SNX29: variants seen among roughly 807,000 people sequenced by gnomAD.
The protein encoded by SNX29 is sorting nexin 29.
SNX29 carries 78 observed loss-of-function variants against 102.1 expected under a neutral mutation model. That is an observed-to-expected ratio of 0.76 (90% confidence interval 0.64 to 0.92). SNX29 has a LOEUF of 0.92. Among genes scored for constraint, SNX29 ranks in the 40% least tolerant of loss-of-function variants. The pLI, the probability that SNX29 is intolerant of heterozygous loss-of-function variation, is 0.00. For missense variants in SNX29, 1,280 were observed against 1,061.7 expected (o/e 1.21, Z -2.86); for synonymous variants, 580 against 414.5 (o/e 1.40, Z -4.85).
chr16:12,314,358 T>A (rs1397936554), intron 15 of SNX29, among the ~76,000 whole-genome samples: 1 of 152,226 alleles, frequency 6.6e-6, no homozygotes, highest in African/African-American at 2.4e-5. Context: ...ATGCACATAG[T>A]TTATACCTGA....
intron 15 of SNX29, among the ~76,000 whole-genome samples, chr16:12,302,808 G>C (rs923922766): frequency 1.3e-5 from 2 of 152,198 alleles, no homozygotes; most frequent in Non-Finnish European, 2.9e-5. Flanking sequence ...CACACTGTTA[G>C]GGTGAATGCA....
chr16:12,043,113 G>C (rs1296356352), intron 5 of SNX29, 36 bp downstream of exon 5: 1 of 1,608,086 alleles, frequency 6.2e-7, no homozygotes, highest in Non-Finnish European at 8.5e-7. Flanking sequence ...ATGGGATGGA[G>C]CAAGAGGTGA....
chr16:12,048,673 ATGGGG>A, intron 7 of SNX29, 53 bp downstream of exon 7: 3 of 1,613,740 alleles, frequency 1.9e-6, no homozygotes, highest in Non-Finnish European at 1.7e-6. Context: ...AATGTGGCGG[ATGGGG>A]TGGACATATC....
intron 20 of SNX29, among the ~76,000 whole-genome samples, chr16:12,549,488 CACACAT>C (rs66691443): frequency 0.31 from 47,319 of 151,738 alleles, 8,972 homozygotes; most frequent in East Asian, 0.73. Flanking sequence ...GGAAGATCCT[CACACAT>C]ACAAAGATGT....
chr16:12,249,115 T>C (rs830733), intron 14 of SNX29, among the ~76,000 whole-genome samples: 117,748 of 152,148 alleles, frequency 0.77, 46,590 homozygotes, highest in African/African-American at 0.94. Context: ...TTGGGTGAGT[T>C]AGGGGTTCAG....
At chr16:12,543,915 G>C (rs539332987) in intron 20 of SNX29, among the ~76,000 whole-genome samples, 1 of 152,200 alleles carries the variant, frequency 6.6e-6, no homozygotes, top group Non-Finnish European at 1.5e-5. Flanking sequence ...GATTGCCGAA[G>C]GTGGAATCCG....
At chr16:12,004,872 C>T (rs1174701815) in intron 3 of SNX29, among the ~76,000 whole-genome samples, 9 of 152,218 alleles carry the variant, frequency 5.9e-5, no homozygotes, top group African/African-American at 1.9e-4. Flanking sequence ...TATATACATT[C>T]GGCTTTTTAA....
At chr16:11,981,786 A>G (rs139868538) in intron 1 of SNX29, among the ~76,000 whole-genome samples, 20 of 152,316 alleles carry the variant, frequency 1.3e-4, no homozygotes, top group Non-Finnish European at 2.8e-4. Flanking sequence ...GATGACCATT[A>G]ATTGGGGAGT....
chr16:12,097,764 G>A (rs1037134704), intron 11 of SNX29, among the ~76,000 whole-genome samples: 5 of 152,172 alleles, frequency 3.3e-5, no homozygotes, highest in African/African-American at 7.2e-5. Context: ...GCAATTCAGA[G>A]CCAATCCAAA....
At chr16:12,199,549 C>A in intron 13 of SNX29, 52 bp from the exon 14 acceptor site, 1 of 1,519,452 alleles carries the variant, frequency 6.6e-7, no homozygotes. Flanking sequence ...TCCTGTGGGT[C>A]CACATTGTCA....
intron 13 of SNX29, 124 bp downstream of exon 13, chr16:12,129,882 A>G: frequency 8.4e-7 from 1 of 1,194,112 alleles, no homozygotes; most frequent in Non-Finnish European, 1.1e-6. Flanking sequence ...AGGCGGGTGG[A>G]TCATAAGGTC....
At chr16:12,023,421 A>T (rs1567537372) in intron 3 of SNX29, among the ~76,000 whole-genome samples, 1 of 150,662 alleles carries the variant, frequency 6.6e-6, no homozygotes, top group East Asian at 1.9e-4. Context: ...AAAAAAAAAA[A>T]AAAAAAAGTA....
intron 16 of SNX29, among the ~76,000 whole-genome samples, chr16:12,386,127 G>A (rs1567509905): frequency 6.6e-6 from 1 of 152,172 alleles, no homozygotes; most frequent in Non-Finnish European, 1.5e-5. Flanking sequence ...CTCACCCTCA[G>A]GCTCTCTGAG....
intron 11 of SNX29, among the ~76,000 whole-genome samples, chr16:12,107,122 A>G (rs1480864673): frequency 1.3e-5 from 2 of 152,166 alleles, no homozygotes; most frequent in Non-Finnish European, 2.9e-5. Context: ...ATGGCCCTGC[A>G]TCACTTCCTA....
At chr16:12,046,357 G>A (rs1280016800) in intron 5 of SNX29, 27 bp from the exon 6 acceptor site, 4 of 1,611,766 alleles carry the variant, frequency 2.5e-6, no homozygotes, top group African/African-American at 1.3e-5. Context: ...TGCTAAGAAC[G>A]ATTTCCTTTT....
At chr16:12,071,910 A>G (rs1192652228) in intron 10 of SNX29, among the ~76,000 whole-genome samples, 1 of 152,216 alleles carries the variant, frequency 6.6e-6, no homozygotes, top group East Asian at 1.9e-4. Context: ...TGGATTCGTA[A>G]GTATTTTATT....
At chr16:12,457,596 C>T (rs527864806) in intron 18 of SNX29, among the ~76,000 whole-genome samples, 3 of 152,330 alleles carry the variant, frequency 2.0e-5, no homozygotes, top group East Asian at 1.9e-4. Flanking sequence ...ATCACGTCTC[C>T]ACCACTCACT....
In SNX29 at chr16:12,196,438, A is replaced by G. The variant is rs150876084; in HGVS notation, c.1596-3163A>G. Among the ~76,000 whole-genome samples, 83 of 152,036 alleles carry G rather than the reference A, an allele frequency of 5.5e-4. No homozygotes were observed. In the East Asian group the frequency reaches 0.016, roughly 29 times the overall value. On this transcript the variant is annotated intron_variant, in intron 13 of 20. Transcript: ENST00000566228. ...CAGATTGAAAAGCATATTTCCCACT[A>G]CATACGTATGGATCTCTGGGAATGA...
chr16:12,318,809 T>A (rs2080837689), intron 15 of SNX29, among the ~76,000 whole-genome samples: 1 of 152,182 alleles, frequency 6.6e-6, no homozygotes, highest in African/African-American at 2.4e-5. Context: ...CTAAGCTACG[T>A]GTCCACGTGT....
Sources: allele counts gnomAD v4.1 joint callset (sites outside exome capture counted in the v4.1 genomes callset), GRCh38; gene constraint gnomAD v4.1.1; transcripts MANE v1.5; gene names NCBI Gene and HGNC (gene_info 2026-07-23, HGNC 2026-07-21).